PEX26: variants seen among roughly 807,000 people sequenced by gnomAD.
PEX26 encodes peroxisome assembly protein 26.
A neutral mutation model predicts 31.4 loss-of-function variants in PEX26; 18 were observed. The observed-to-expected ratio is 0.57, with a 90% CI of 0.40 to 0.85. The LOEUF is 0.85. Ranked by LOEUF, PEX26 falls within the 40% of genes least tolerant of loss-of-function variation. The pLI is 0.00. For missense variants in PEX26, 377 were observed against 383.9 expected (o/e 0.98, Z 0.15); for synonymous variants, 176 against 166.9 (o/e 1.05, Z -0.42).
At chr22:18,083,327 G>C (rs1926695682) in intron 2 of PEX26, 110 bp from the exon 3 acceptor site, 13 of 1,105,680 alleles carry the variant, frequency 1.2e-5, no homozygotes, top group Non-Finnish European at 1.5e-5. Context: ...AGGGCTCGAG[G>C]ACACAGTGAG....
chr22:18,090,303 G>A lies in PEX26; in HGVS notation c.*2228G>A, dbSNP rs1472407695. The stretch of plus-strand genomic sequence containing the variant: ...TCTTCATGGAATTGAAGGCCCCTAT[G>A]TGCTGGTTTTGGCTAAGATCTCCCC... On this transcript the variant is annotated 3_prime_UTR_variant, in exon 5 of 5. Coordinates refer to ENST00000399744, the MANE Select transcript of PEX26 (RefSeq NM_001127649.3). The A allele has an allele frequency of 6.6e-6, 1 of 152,344 alleles. No homozygotes were observed. Among genetic ancestry groups the A allele is most frequent in the East Asian group, 1.9e-4 (1 of 5,176 alleles). The allele number at this position is 152,344 out of a possible 1,614,324, so 9.4% of individuals were successfully genotyped here. A position where few individuals can be genotyped will look rare whatever the true frequency, so the allele number is the denominator to read the frequency against.
intron 2 of PEX26, among the ~76,000 whole-genome samples, chr22:18,083,184 A>C (rs1347561793): frequency 6.6e-6 from 1 of 152,194 alleles, no homozygotes; most frequent in Non-Finnish European, 1.5e-5. Flanking sequence ...ATGTTGAATA[A>C]AAACGGTCAA....
At chr22:18,079,133 G>A (rs1926443194) in intron 1 of PEX26, 1 of 847,112 alleles carries the variant, frequency 1.2e-6, no homozygotes, top group Non-Finnish European at 1.4e-6. Context: ...CCAGGAGTTC[G>A]AGACCAGCCT....
At chr22:18,085,012 C>T (rs755083928) in intron 3 of PEX26, 100 bp from the exon 4 acceptor site, 182 of 1,308,070 alleles carry the variant, frequency 1.4e-4, no homozygotes, top group Non-Finnish European at 1.2e-4. Context: ...TGAGCCACTG[C>T]GCCTGGCCTG....
chr22:18,079,768 T>C, intron 1 of PEX26, 106 bp from the exon 2 acceptor site: 4 of 1,262,272 alleles, frequency 3.2e-6, no homozygotes, highest in Non-Finnish European at 4.6e-6. Flanking sequence ...ATGAGAGAGA[T>C]GATGGCTGCT....
rs913030352 is a variant in PEX26 at position 18,096,753 on chromosome 22, T to C, written c.*8678T>C. 29 of 152,224 alleles carry C rather than the reference T, an allele frequency of 1.9e-4. No homozygotes were observed. The highest frequency in any genetic ancestry group is 6.8e-4 in the African/African-American group (28 of 41,458). The allele number at this position is 152,224 out of a possible 1,614,324, so 9.4% of individuals were successfully genotyped here. ...TCTTAAAGTGCTAAGCCTTTTTATA[T>C]ATTCATTTCAGACCATGTTTAATTT... On this transcript the variant is annotated 3_prime_UTR_variant, in exon 5 of 5. Transcript: ENST00000399744.
At position 18,104,126 on chromosome 22, in the gene PEX26, G is replaced by A. The variant is rs996090183; in HGVS notation, c.*16051G>A. ...AGGAAAATGCCCAGAAAGGGGAACA[G>A]TTAATCATCTACACAATACCAAGAG... On this transcript the variant is annotated 3_prime_UTR_variant, in exon 5 of 5. Transcript: ENST00000399744. The A allele has an allele frequency of 3.9e-5, 6 of 152,134 alleles. No homozygotes were observed. The highest frequency in any genetic ancestry group is 1.2e-4 in the African/African-American group (5 of 41,394). 9.4% of individuals were successfully genotyped at this position (152,134 alleles called of 1,614,324 possible).
chr22:18,101,839 G>A lies in PEX26; in HGVS notation c.*13764G>A, dbSNP rs1469035674. On this transcript the variant is annotated 3_prime_UTR_variant, in exon 5 of 5. Transcript: ENST00000399744. ...CCTTTAAAGCTATTGAGGAGCCAGT[G>A]AATGGAGAATTCGACAACGCCTGGC... 6.1e-6 allele frequency: 1 copy of A among 164,776 alleles called. No individual in the cohort carries two copies. Among genetic ancestry groups the A allele is most frequent in the Non-Finnish European group, 1.3e-5 (1 of 75,516 alleles). 10.2% of individuals were successfully genotyped at this position (164,776 alleles called of 1,614,324 possible). A position where few individuals can be genotyped will look rare whatever the true frequency, so the allele number is the denominator to read the frequency against.
chr22:18,099,403 A>G lies in PEX26; in HGVS notation c.*11328A>G, dbSNP rs1927387525. The G allele has an allele frequency of 6.6e-6, 1 of 152,194 alleles. No individual in the cohort carries two copies. Among genetic ancestry groups the G allele is most frequent in the Admixed American group, 6.5e-5 (1 of 15,286 alleles). 9.4% of individuals were successfully genotyped at this position (152,194 alleles called of 1,614,324 possible). A position where few individuals can be genotyped will look rare whatever the true frequency, so the allele number is the denominator to read the frequency against. On this transcript the variant is annotated 3_prime_UTR_variant, in exon 5 of 5. Coordinates refer to ENST00000399744, the MANE Select transcript of PEX26 (RefSeq NM_001127649.3). The stretch of plus-strand genomic sequence containing the variant: ...TTCGTGTTAACAGTCCATACTACTT[A>G]TGGTATACGTGAAATGCTTTCTATT...
rs1927173956 is a variant in PEX26 at position 18,093,240 on chromosome 22, C to A, written c.*5165C>A. On this transcript the variant is annotated 3_prime_UTR_variant, in exon 5 of 5. Transcript: ENST00000399744. Reference sequence around the variant, plus strand: ...CGAACATGGTCAACAAGATCATGTTCACTTCAACCCCATTTCATTTAAATT... The same window carrying A: ...CGAACATGGTCAACAAGATCATGTTAACTTCAACCCCATTTCATTTAAATT... 6.6e-6 allele frequency: 1 copy of A among 152,160 alleles called. No homozygotes were observed. Among genetic ancestry groups the A allele is most frequent in the Non-Finnish European group, 1.5e-5 (1 of 68,030 alleles). 9.4% of individuals were successfully genotyped at this position (152,160 alleles called of 1,614,324 possible).
chr22:18,082,939 T>C (rs114123295), intron 2 of PEX26, among the ~76,000 whole-genome samples: 138 of 152,350 alleles, frequency 9.1e-4, no homozygotes, highest in African/African-American at 3.1e-3. Flanking sequence ...CTAGGTATCT[T>C]ATTTTTTTGG....
At position 18,089,203 on chromosome 22, in the gene PEX26, C is replaced by T. The variant is rs993383627; in HGVS notation, c.*1128C>T. ...TTGGTACACACCATTTCAGGTTCTT[C>T]CCTTTCTGTGTCCCATTGTCCTAGT... is the stretch of plus-strand genomic sequence containing the variant. On this transcript the variant is annotated 3_prime_UTR_variant, in exon 5 of 5. Transcript: ENST00000399744. 5 of 152,686 alleles carry T rather than the reference C, an allele frequency of 3.3e-5. No homozygotes were observed. The highest frequency in any genetic ancestry group is 1.2e-4 in the African/African-American group (5 of 41,420). 9.5% of individuals were successfully genotyped at this position (152,686 alleles called of 1,614,324 possible).
chr22:18,085,325 A>AGT, intron 4 of PEX26, 67 bp downstream of exon 4: 1 of 1,546,166 alleles, frequency 6.5e-7, no homozygotes, highest in Non-Finnish European at 8.9e-7. Flanking sequence ...GGCCTGTGGG[A>AGT]GTGGGTGTTT....
chr22:18,099,452 C>T lies in PEX26; in HGVS notation c.*11377C>T, dbSNP rs1927388616. The T allele has an allele frequency of 3.9e-5, 6 of 152,172 alleles. No individual in the cohort carries two copies. The highest frequency in any genetic ancestry group is 3.9e-4 in the Admixed American group (6 of 15,276). 9.4% of individuals were successfully genotyped at this position (152,172 alleles called of 1,614,324 possible). A position where few individuals can be genotyped will look rare whatever the true frequency, so the allele number is the denominator to read the frequency against. On this transcript the variant is annotated 3_prime_UTR_variant, in exon 5 of 5. Transcript: ENST00000399744. ...TTCATTCAAGCAACCTTACTAAAAA[C>T]ACCCCATGAAAATAAAAGTCTATAT...
At chr22:18,087,358 A>T (rs1926881657) in intron 4 of PEX26, among the ~76,000 whole-genome samples, 1 of 152,190 alleles carries the variant, frequency 6.6e-6, no homozygotes, top group South Asian at 2.1e-4. Flanking sequence ...TATAGGCACA[A>T]GCCATCATGC....
intron 3 of PEX26, among the ~76,000 whole-genome samples, chr22:18,084,548 G>A (rs938348896): frequency 1.3e-5 from 2 of 151,156 alleles, no homozygotes; most frequent in African/African-American, 4.9e-5. Context: ...TGGCCTGAAA[G>A]GTTCTGAAAG....
chr22:18,079,452 G>C (rs1379683995), intron 1 of PEX26, among the ~76,000 whole-genome samples: 1 of 152,142 alleles, frequency 6.6e-6, no homozygotes, highest in Non-Finnish European at 1.5e-5. Context: ...CTTACTAGGT[G>C]GTGCCTTTTA....
chr22:18,104,530 G>C lies in PEX26; in HGVS notation c.*16455G>C, dbSNP rs765475048. On this transcript the variant is annotated 3_prime_UTR_variant, in exon 5 of 5. Coordinates refer to ENST00000399744, the MANE Select transcript of PEX26 (RefSeq NM_001127649.3). ...AGGTGTTCTTTTAGGAGCTGGTAGC[G>C]GAGGAAGGTGGTTACCCATCTGTGA... The C allele has an allele frequency of 6.6e-6, 1 of 152,090 alleles. No homozygotes were observed. Among genetic ancestry groups the C allele is most frequent in the Non-Finnish European group, 1.5e-5 (1 of 68,028 alleles). The allele number at this position is 152,090 out of a possible 1,614,324, so 9.4% of individuals were successfully genotyped here.
rs1927452752 is a variant in PEX26, at chr22:18,101,616, C to G, written c.*13541C>G. Reference sequence around the variant, plus strand: ...TGGACCCTTCCCTAATGCCCAGGATCAAGAAAAGAATGTGGCCACCTTCCA... The same window carrying G: ...TGGACCCTTCCCTAATGCCCAGGATGAAGAAAAGAATGTGGCCACCTTCCA... On this transcript the variant is annotated 3_prime_UTR_variant, in exon 5 of 5. Coordinates refer to ENST00000399744, the MANE Select transcript of PEX26 (RefSeq NM_001127649.3). 1 of 196,322 alleles carries G rather than the reference C, an allele frequency of 5.1e-6. No homozygotes were observed. Among genetic ancestry groups the G allele is most frequent in the East Asian group, 1.3e-4 (1 of 7,548 alleles). The allele number at this position is 196,322 out of a possible 1,614,324, so 12.2% of individuals were successfully genotyped here.
Sources: allele counts gnomAD v4.1 joint callset (sites outside exome capture counted in the v4.1 genomes callset), GRCh38; gene constraint gnomAD v4.1.1; transcripts MANE v1.5; gene names NCBI Gene and HGNC (gene_info 2026-07-23, HGNC 2026-07-21).